The following ZFHX3 variants were observed in gnomAD, a reference collection of about 807,000 sequenced individuals.
The protein encoded by ZFHX3 is zinc finger homeobox protein 3.
ZFHX3 carries 42 observed loss-of-function variants against 279.1 expected under a neutral mutation model. The ratio of observed to expected loss-of-function variants is 0.15; its 90% CI spans 0.12 to 0.19. The LOEUF is 0.19. Ranked by LOEUF, ZFHX3 falls within the 10% of genes least tolerant of loss-of-function variation. The pLI is 1.00. For missense variants in ZFHX3, 4,981 were observed against 4,754.0 expected, an observed-to-expected ratio of 1.05 and a Z score of -1.40; for synonymous variants, 2,293 against 1,957.8, an observed-to-expected ratio of 1.17 and a Z score of -4.52.
intron 3 of ZFHX3, among the ~76,000 whole-genome samples, chr16:73,332,642 C>T (rs1003420949): frequency 3.9e-5 from 6 of 152,186 alleles, no homozygotes; most frequent in African/African-American, 9.7e-5. Flanking sequence ...TTAACTGTAT[C>T]GGATATGGGA....
chr16:73,523,358 A>T (rs1391428689), intron 2 of ZFHX3, among the ~76,000 whole-genome samples: 1 of 152,150 alleles, frequency 6.6e-6, no homozygotes, highest in Non-Finnish European at 1.5e-5. Context: ...ACTCATGACC[A>T]GATGTGACCT....
intron 2 of ZFHX3, among the ~76,000 whole-genome samples, chr16:73,460,367 T>C (rs1212994761): frequency 1.3e-5 from 2 of 152,228 alleles, no homozygotes; most frequent in African/African-American, 4.8e-5. Flanking sequence ...ACCATCTACC[T>C]ACTGGAGGAC....
intron 2 of ZFHX3, among the ~76,000 whole-genome samples, chr16:73,550,284 C>A (rs2143768963): frequency 6.6e-6 from 1 of 152,304 alleles, no homozygotes; most frequent in South Asian, 2.1e-4. Context: ...AACCAGTCCA[C>A]TCCGTTAATG....
At chr16:73,194,285 G>A (rs747343538) in intron 5 of ZFHX3, among the ~76,000 whole-genome samples, 2 of 151,748 alleles carry the variant, frequency 1.3e-5, no homozygotes, top group Non-Finnish European at 2.9e-5. Flanking sequence ...CTGCAGCCTC[G>A]ACCTCCCAGG....
intron 3 of ZFHX3, among the ~76,000 whole-genome samples, chr16:72,936,701 A>T (rs1464565955): frequency 6.6e-6 from 1 of 152,162 alleles, no homozygotes. Context: ...GCATGGTGGG[A>T]GGAGTTCAGA....
chr16:73,853,054 GGTCAAT>G (rs1961629041), intron 1 of ZFHX3, among the ~76,000 whole-genome samples: 1 of 151,898 alleles, frequency 6.6e-6, no homozygotes, highest in Admixed American at 6.6e-5. Context: ...AAACATCAGT[GGTCAAT>G]AAACACATGA....
intron 1 of ZFHX3, among the ~76,000 whole-genome samples, chr16:73,738,071 A>G (rs2053624357): frequency 6.6e-6 from 1 of 152,180 alleles, no homozygotes; most frequent in Admixed American, 6.5e-5. Flanking sequence ...GCAGCTAATC[A>G]AAAGTGGGGC....
chr16:73,885,899 T>G (rs187029319), intron 1 of ZFHX3, among the ~76,000 whole-genome samples: 33 of 152,292 alleles, frequency 2.2e-4, no homozygotes, highest in Admixed American at 5.9e-4. Flanking sequence ...CCCCCCTGAC[T>G]GAGGGAAATT....
In ZFHX3 at chr16:72,961,223, C is replaced by T. The variant is rs542638533; in HGVS notation, c.-49-1029G>A. 2.1e-4 allele frequency among the ~76,000 whole-genome samples: 32 copies of T among 150,902 alleles called. No homozygotes were observed. In the East Asian group the frequency reaches 2.2e-3, roughly 10 times the overall value. ...AAGCCGAGACGGCAGCTGGGCTCGG[C>T]GAGCCCCAGCTCCACACCTGCCTCT... On this transcript the variant is annotated intron_variant, in intron 1 of 9. Transcript: ENST00000268489.
chr16:73,842,663 TA>T (rs963455028), intron 1 of ZFHX3, among the ~76,000 whole-genome samples: 1 of 152,156 alleles, frequency 6.6e-6, no homozygotes, highest in African/African-American at 2.4e-5. Context: ...AGTAATAGTT[TA>T]AATTAAAACA....
chr16:72,801,593 G>A (rs1567521965), intron 7 of ZFHX3, among the ~76,000 whole-genome samples: 2 of 152,136 alleles, frequency 1.3e-5, no homozygotes. Context: ...CAGGTACCAT[G>A]GAGAAGCATT....
chr16:73,651,680 C>CAAAAAA (rs57386925), intron 2 of ZFHX3, among the ~76,000 whole-genome samples: 5 of 41,660 alleles, frequency 1.2e-4, no homozygotes, highest in Non-Finnish European at 2.0e-4. Context: ...ACTAAAAATA[C>CAAAAAA]AAAAAAAAAA....
chr16:73,464,185 T>C (rs985545549), intron 2 of ZFHX3, among the ~76,000 whole-genome samples: 1 of 151,564 alleles, frequency 6.6e-6, no homozygotes, highest in Non-Finnish European at 1.5e-5. Context: ...AGAAAGGGAA[T>C]GAGTAAGTGG....
chr16:73,510,930 A>G (rs1217964545), intron 2 of ZFHX3, among the ~76,000 whole-genome samples: 2 of 152,220 alleles, frequency 1.3e-5, no homozygotes, highest in Admixed American at 6.5e-5. Context: ...CTATTCTAGC[A>G]ATTAATGTGA....
chr16:73,278,435 G>C (rs2014362206), intron 4 of ZFHX3, among the ~76,000 whole-genome samples: 1 of 152,194 alleles, frequency 6.6e-6, no homozygotes, highest in Non-Finnish European at 1.5e-5. Flanking sequence ...TGGTCTCGCT[G>C]ACTTCAAGAA....
chr16:72,827,010 T>C (rs1055516412), intron 5 of ZFHX3, among the ~76,000 whole-genome samples: 5 of 152,126 alleles, frequency 3.3e-5, no homozygotes, highest in African/African-American at 1.2e-4. Context: ...GTTGGAAGGA[T>C]TAGAGAGGCA....
intron 5 of ZFHX3, among the ~76,000 whole-genome samples, chr16:73,196,943 T>G (rs774917413): frequency 6.6e-6 from 1 of 152,166 alleles, no homozygotes; most frequent in Admixed American, 6.5e-5. Context: ...GACACTGGTA[T>G]TGACATGGTG....
intron 5 of ZFHX3, among the ~76,000 whole-genome samples, chr16:73,252,042 G>A (rs1027264516): frequency 1.3e-5 from 2 of 151,494 alleles, no homozygotes; most frequent in African/African-American, 2.4e-5. Context: ...TGAGGGGTGG[G>A]GAGGGAGCTT....
intron 5 of ZFHX3, among the ~76,000 whole-genome samples, chr16:73,225,382 G>A (rs896566271): frequency 6.6e-5 from 10 of 152,216 alleles, no homozygotes; most frequent in South Asian, 2.1e-4. Flanking sequence ...TTGTGAGGCC[G>A]AGGTGAGAGG....
Sources: gnomAD v4.1 joint callset for allele counts (sites outside exome capture counted in the v4.1 genomes callset) on GRCh38, gnomAD v4.1.1 for gene constraint, MANE v1.5 for transcripts, NCBI Gene and HGNC (gene_info 2026-07-23, HGNC 2026-07-21) for gene names.